The following GYPE variants were observed in gnomAD, a reference collection of about 807,000 sequenced individuals.
GYPE encodes glycophorin-E.
Under a neutral mutation model 11.6 loss-of-function variants are expected in GYPE, and 8 were observed. The ratio of observed to expected loss-of-function variants is 0.69; its 90% CI spans 0.41 to 1.25. GYPE has a LOEUF of 1.25. GYPE is among the 50% of genes most tolerant of loss of function. The probability of loss-of-function intolerance (pLI) is 0.01; values close to 1 mark genes in which losing one functional copy is unlikely to be tolerated. For missense variants in GYPE, 90 were observed against 92.8 expected (o/e 0.97, Z 0.12); for synonymous variants, 28 against 29.6 (o/e 0.94, Z 0.18).
In GYPE at chr4:143,895,225, C is replaced by T. The variant is rs558432334; in HGVS notation, c.37+10246G>A. ...AAGAGGAAGTCAAATTGTCCCTGTT[C>T]ACAGACGACATGATTGTATATCTAG... On this transcript the variant is annotated intron_variant, in intron 1 of 3. Transcript: ENST00000358615. Among the ~76,000 whole-genome samples, 415 of 152,208 alleles carry T rather than the reference C, an allele frequency of 2.7e-3. 2 individuals are homozygous for T. Among genetic ancestry groups the T allele is most frequent in the African/African-American group, 6.7e-3 (276 of 41,494 alleles).
chr4:143,887,602 G>A (rs1744254303), intron 1 of GYPE, among the ~76,000 whole-genome samples: 2 of 148,030 alleles, frequency 1.4e-5, no homozygotes, highest in African/African-American at 5.0e-5. Context: ...TGCAGAGGAG[G>A]AGGGATAAAG....
At chr4:143,893,690 T>G (rs1441932011) in intron 1 of GYPE, among the ~76,000 whole-genome samples, 6 of 152,214 alleles carry the variant, frequency 3.9e-5, no homozygotes, top group African/African-American at 1.4e-4. Flanking sequence ...GCTCTTAGTC[T>G]CATGGGCTTC....
chr4:143,892,061 C>G (rs761773838), intron 1 of GYPE, among the ~76,000 whole-genome samples: 26 of 152,104 alleles, frequency 1.7e-4, no homozygotes, highest in Non-Finnish European at 3.1e-4. Flanking sequence ...GTCAAGGAAT[C>G]TATCCATTTC....
At chr4:143,876,876 G>A (rs149140572) in intron 2 of GYPE, 21 bp from the exon 3 acceptor site, 193 of 1,411,322 alleles carry the variant, frequency 1.4e-4, no homozygotes, top group African/African-American at 1.3e-3. Flanking sequence ...TAAAGAGAGC[G>A]GCAAAATTAT....
chr4:143,888,124 C>G (rs1329537875), intron 1 of GYPE, among the ~76,000 whole-genome samples: 1 of 94,366 alleles, frequency 1.1e-5, no homozygotes, highest in Non-Finnish European at 2.1e-5. Flanking sequence ...GGGCCCAAGA[C>G]ATGTTAGGAT....
At chr4:143,904,786 G>T (rs555445627) in intron 1 of GYPE, among the ~76,000 whole-genome samples, 1 of 151,486 alleles carries the variant, frequency 6.6e-6, no homozygotes, top group East Asian at 1.9e-4. Context: ...AATATTCTCA[G>T]AAAGAGGCCA....
At chr4:143,894,855 C>A (rs1264748295) in intron 1 of GYPE, among the ~76,000 whole-genome samples, 1 of 151,882 alleles carries the variant, frequency 6.6e-6, no homozygotes, top group Non-Finnish European at 1.5e-5. Flanking sequence ...TCAATATACG[C>A]AAATCAATAA....
At chr4:143,902,393 T>G (rs1744901091) in intron 1 of GYPE, among the ~76,000 whole-genome samples, 1 of 151,630 alleles carries the variant, frequency 6.6e-6, no homozygotes, top group Non-Finnish European at 1.5e-5. Flanking sequence ...CATGTGCTTT[T>G]CAGACTGATG....
At chr4:143,900,743 T>A in intron 1 of GYPE, among the ~76,000 whole-genome samples, 1 of 152,178 alleles carries the variant, frequency 6.6e-6, no homozygotes, top group East Asian at 1.9e-4. Flanking sequence ...AAAGGCTACC[T>A]ATTATATGAT....
intron 1 of GYPE, among the ~76,000 whole-genome samples, chr4:143,891,570 C>T (rs2149911693): frequency 6.6e-6 from 1 of 152,022 alleles, no homozygotes. Flanking sequence ...CCTCATGATC[C>T]ACCCGCCTCA....
Position 143,871,442 on chromosome 4 carries a change from G to A in GYPE, c.*820C>T, listed in dbSNP as rs1743616822. 6.6e-6 allele frequency: 1 copy of A among 152,210 alleles called. No homozygotes were observed. The highest frequency in any genetic ancestry group is 2.1e-4 in the South Asian group (1 of 4,828). The allele number at this position is 152,210 out of a possible 1,614,324, so 9.4% of individuals were successfully genotyped here. A position where few individuals can be genotyped will look rare whatever the true frequency, so the allele number is the denominator to read the frequency against. ...CCACCTCACTCTAAAGAGAATTACT[G>A]AGTTTGTGTTCACTGCTGGGGCCAG... On this transcript the variant is annotated 3_prime_UTR_variant, in exon 4 of 4. Coordinates refer to ENST00000358615, the MANE Select transcript of GYPE (RefSeq NM_198682.3).
intron 3 of GYPE, among the ~76,000 whole-genome samples, 190 bp downstream of exon 3, chr4:143,876,556 C>T (rs1578952803): frequency 1.3e-5 from 2 of 152,118 alleles, no homozygotes; most frequent in Admixed American, 6.5e-5. Context: ...TTAGAGGCTC[C>T]CTTTAATTGG....
At chr4:143,901,211 T>A (rs1222184132) in intron 1 of GYPE, among the ~76,000 whole-genome samples, 2 of 152,170 alleles carry the variant, frequency 1.3e-5, no homozygotes, top group African/African-American at 4.8e-5. Flanking sequence ...TTCCAGAGCT[T>A]ACATATAATA....
chr4:143,876,695 G>A lies in GYPE; in HGVS notation c.*9+51C>T, dbSNP rs6537203. On this transcript the variant is annotated intron_variant, in intron 3 of 3. Transcript: ENST00000358615. ...CTGAACTCAGAGGAATAAACCCTCC[G>A]AGAGCTGTTCACACTGGTATTTAGA... 4.3e-5 allele frequency: 38 copies of A among 880,880 alleles called. No individual in the cohort carries two copies. The Admixed American group carries it at 5.7e-4, about 13-fold the overall frequency. 54.6% of individuals were successfully genotyped at this position (880,880 alleles called of 1,614,324 possible).
chr4:143,900,560 A>G (rs1270977309), intron 1 of GYPE, among the ~76,000 whole-genome samples: 4 of 144,516 alleles, frequency 2.8e-5, no homozygotes, highest in African/African-American at 1.0e-4. Context: ...TGGATCGATA[A>G]GCAAAATGTG....
intron 1 of GYPE, among the ~76,000 whole-genome samples, chr4:143,901,489 T>G (rs1314515610): frequency 5.3e-5 from 8 of 152,162 alleles, no homozygotes; most frequent in Admixed American, 5.2e-4. Flanking sequence ...TTTCAACATT[T>G]TTGCTTTAGT....
chr4:143,892,372 T>C (rs2149912139), intron 1 of GYPE, among the ~76,000 whole-genome samples: 1 of 151,098 alleles, frequency 6.6e-6, no homozygotes, highest in South Asian at 2.1e-4. Flanking sequence ...TGTTTGCTCT[T>C]GCTTTTCTAG....
chr4:143,890,604 A>G (rs6537205), intron 1 of GYPE, among the ~76,000 whole-genome samples: 141,294 of 152,228 alleles, frequency 0.93, 66,518 homozygotes, highest in East Asian at 1. Flanking sequence ...CCAGCGGCGA[A>G]AACAACTGCT....
intron 1 of GYPE, among the ~76,000 whole-genome samples, chr4:143,905,007 C>G (rs191636654): frequency 1.3e-5 from 2 of 152,036 alleles, no homozygotes; most frequent in East Asian, 3.9e-4. Context: ...CACAGAGAAG[C>G]GAACAACTCC....
Sources: gnomAD v4.1 joint callset for allele counts (sites outside exome capture counted in the v4.1 genomes callset) on GRCh38, gnomAD v4.1.1 for gene constraint, MANE v1.5 for transcripts, NCBI Gene and HGNC (gene_info 2026-07-23, HGNC 2026-07-21) for gene names.